The following THRB variants were observed in gnomAD, a reference collection of about 807,000 sequenced individuals.
THRB encodes the protein nuclear receptor subfamily 1 group A member 2.
In THRB, 12 loss-of-function variants were observed where a neutral mutation model predicts 47.8. The ratio of observed to expected loss-of-function variants is 0.25; its 90% CI spans 0.16 to 0.41. The LOEUF is 0.41. Among genes scored for constraint, THRB ranks in the 10% least tolerant of loss-of-function variants. The pLI, the probability that THRB is intolerant of heterozygous loss-of-function variation, is 1.00. For missense variants in THRB, 348 were observed against 589.2 expected, an observed-to-expected ratio of 0.59 and a Z score of 4.24; for synonymous variants, 218 against 212.2, an observed-to-expected ratio of 1.03 and a Z score of -0.24.
intron 1 of THRB, among the ~76,000 whole-genome samples, chr3:24,480,154 C>G (rs539180801): frequency 1.4e-4 from 22 of 152,196 alleles, no homozygotes; most frequent in African/African-American, 2.7e-4. Context: ...TTACCTCCCC[C>G]CTAAAAATCA....
chr3:24,165,256 A>G (rs1342629328), intron 5 of THRB: 1 of 765,102 alleles, frequency 1.3e-6, no homozygotes, highest in South Asian at 1.3e-5. Flanking sequence ...TGTAACCCGG[A>G]CTATCTTCAA....
chr3:24,265,850 G>A (rs1447513024), intron 3 of THRB, among the ~76,000 whole-genome samples: 2 of 152,044 alleles, frequency 1.3e-5, no homozygotes, highest in Non-Finnish European at 2.9e-5. Flanking sequence ...GGAAAGACAA[G>A]CAACAAAATA....
At chr3:24,304,355 T>C (rs1424152077) in intron 2 of THRB, among the ~76,000 whole-genome samples, 1 of 152,090 alleles carries the variant, frequency 6.6e-6, no homozygotes, top group African/African-American at 2.4e-5. Context: ...CGTAAGCAAA[T>C]AAAATTGATT....
chr3:24,364,829 G>A (rs2064340040), intron 1 of THRB, among the ~76,000 whole-genome samples: 1 of 152,148 alleles, frequency 6.6e-6, no homozygotes. Context: ...TTCTCCTAAT[G>A]AGGATATTTT....
intron 1 of THRB, among the ~76,000 whole-genome samples, chr3:24,466,677 T>C (rs1157248586): frequency 1.3e-5 from 2 of 152,220 alleles, no homozygotes; most frequent in Non-Finnish European, 2.9e-5. Flanking sequence ...AAAACTTGTG[T>C]TTATACTATA....
intron 1 of THRB, among the ~76,000 whole-genome samples, chr3:24,394,249 A>G (rs1010435758): frequency 3.3e-5 from 5 of 152,110 alleles, no homozygotes; most frequent in South Asian, 4.1e-4. Context: ...AGTCTCTTAG[A>G]GTATATATTA....
chr3:24,326,525 C>T (rs947012687), intron 2 of THRB, among the ~76,000 whole-genome samples: 8 of 152,112 alleles, frequency 5.3e-5, no homozygotes, highest in African/African-American at 9.7e-5. Context: ...CATGAGTCAC[C>T]GTTCCCGGCC....
At chr3:24,300,360 T>C (rs62253757) in intron 2 of THRB, among the ~76,000 whole-genome samples, 582 of 152,352 alleles carry the variant, frequency 3.8e-3, no homozygotes, top group Non-Finnish European at 5.5e-3. Context: ...CATCCATCCA[T>C]GTAGTTCTCG....
chr3:24,270,346 T>A (rs1423089926), intron 3 of THRB, among the ~76,000 whole-genome samples: 1 of 152,192 alleles, frequency 6.6e-6, no homozygotes, highest in African/African-American at 2.4e-5. Context: ...CTACCATGAA[T>A]TGCTCACTCC....
At chr3:24,338,325 C>T (rs1023757817) in intron 1 of THRB, among the ~76,000 whole-genome samples, 10 of 152,154 alleles carry the variant, frequency 6.6e-5, no homozygotes, top group Admixed American at 3.9e-4. Context: ...TCTTTCAAGA[C>T]CACTATTTTT....
At chr3:24,292,988 T>C (rs1232049444) in intron 3 of THRB, among the ~76,000 whole-genome samples, 2 of 149,586 alleles carry the variant, frequency 1.3e-5, no homozygotes, top group Middle Eastern at 3.2e-3. Flanking sequence ...TTTCTAAAAA[T>C]AGCATTTGAT....
At chr3:24,381,678 A>G (rs1328103697) in intron 1 of THRB, among the ~76,000 whole-genome samples, 1 of 152,160 alleles carries the variant, frequency 6.6e-6, no homozygotes, top group Non-Finnish European at 1.5e-5. Flanking sequence ...TAAAATGTTA[A>G]ATAAAATTGC....
Position 24,257,218 on chromosome 3 carries a change from C to T in THRB, c.-42-28217G>A, listed in dbSNP as rs1179844394. On this transcript the variant is annotated intron_variant, in intron 3 of 10. Coordinates refer to ENST00000646209, the MANE Select transcript of THRB (RefSeq NM_001354712.2). ...CTTATTAAGGTTTTTCTATTGATGC[C>T]TTTAGTTTTTATTTTAAAATGAAAT... Among the ~76,000 whole-genome samples the T allele has an allele frequency of 2.0e-5, 3 of 151,618 alleles. No individual in the cohort carries two copies. The East Asian group carries it at 5.8e-4, about 29-fold the overall frequency.
chr3:24,185,895 TCAAA>T (rs2042509987), intron 5 of THRB, among the ~76,000 whole-genome samples: 2 of 152,056 alleles, frequency 1.3e-5, no homozygotes, highest in African/African-American at 2.4e-5. Flanking sequence ...AGGGCCCCAG[TCAAA>T]CAGTGTGGGG....
intron 3 of THRB, among the ~76,000 whole-genome samples, chr3:24,273,119 C>T (rs1332289611): frequency 6.6e-6 from 1 of 151,880 alleles, no homozygotes; most frequent in Non-Finnish European, 1.5e-5. Flanking sequence ...TAACAGGTTG[C>T]TATGAATTAA....
chr3:24,231,583 G>A (rs1310935059), intron 3 of THRB, among the ~76,000 whole-genome samples: 1 of 151,992 alleles, frequency 6.6e-6, no homozygotes, highest in Non-Finnish European at 1.5e-5. Flanking sequence ...TACTTTTACT[G>A]TAGTATTTTG....
At chr3:24,477,687 C>G (rs1695692012) in intron 1 of THRB, among the ~76,000 whole-genome samples, 1 of 151,848 alleles carries the variant, frequency 6.6e-6, no homozygotes, top group Admixed American at 6.6e-5. Flanking sequence ...AAGCAAGGGT[C>G]CTAACGCAGG....
intron 3 of THRB, among the ~76,000 whole-genome samples, chr3:24,266,740 A>C (rs1482982311): frequency 6.6e-6 from 1 of 152,158 alleles, no homozygotes; most frequent in Non-Finnish European, 1.5e-5. Flanking sequence ...AGGAAGATGA[A>C]GGATTTTGAG....
chr3:24,318,061 AG>A (rs1363167358), intron 2 of THRB, among the ~76,000 whole-genome samples: 1 of 152,164 alleles, frequency 6.6e-6, no homozygotes, highest in African/African-American at 2.4e-5. Flanking sequence ...ACGAATGAAA[AG>A]AAAGGAAGGA....
Sources: allele counts gnomAD v4.1 joint callset (sites outside exome capture counted in the v4.1 genomes callset), GRCh38; gene constraint gnomAD v4.1.1; transcripts MANE v1.5; gene names NCBI Gene and HGNC (gene_info 2026-07-23, HGNC 2026-07-21).